The following MAP2K7 variants were observed in gnomAD, a reference collection of about 807,000 sequenced individuals.
The protein encoded by MAP2K7 is mitogen-activated protein kinase kinase 7, also known as dual specificity mitogen-activated protein kinase kinase 7.
A neutral mutation model predicts 47.7 loss-of-function variants in MAP2K7; 12 were observed. That is an observed-to-expected ratio of 0.25 (90% CI 0.16 to 0.41). MAP2K7 has a LOEUF of 0.41. Among genes scored for constraint, MAP2K7 ranks in the 10% least tolerant of loss-of-function variants. The pLI, the probability that MAP2K7 is intolerant of heterozygous loss-of-function variation, is 1.00. For missense variants in MAP2K7, 415 were observed against 600.3 expected (o/e 0.69, Z 3.23); for synonymous variants, 299 against 243.0 (o/e 1.23, Z -2.14).
At position 7,912,038 on chromosome 19, in the gene MAP2K7, C is replaced by A. The variant is rs576812742; in HGVS notation, c.1080-111C>A. On this transcript the variant is annotated intron_variant, in intron 9 of 10. Coordinates refer to ENST00000397979, the MANE Select transcript of MAP2K7 (RefSeq NM_145185.4). Reference sequence around the variant, plus strand: ...TGAGGACATCCACAGCTCCTTCCCCCACACACATCTTGGGGACCCCTGGCC... The same window carrying A: ...TGAGGACATCCACAGCTCCTTCCCCAACACACATCTTGGGGACCCCTGGCC... The A allele has an allele frequency of 9.5e-6, 9 of 945,750 alleles. No homozygotes were observed. The East Asian group carries it at 9.6e-5, about 10-fold the overall frequency. The allele number at this position is 945,750 out of a possible 1,614,324, so 58.6% of individuals were successfully genotyped here. A position where few individuals can be genotyped will look rare whatever the true frequency, so the allele number is the denominator to read the frequency against.
At chr19:7,910,211 G>T in intron 3 of MAP2K7, 49 bp from the exon 4 acceptor site, 1 of 1,604,958 alleles carries the variant, frequency 6.2e-7, no homozygotes, top group Non-Finnish European at 8.5e-7. Context: ...GGGGGCAGGG[G>T]GCGGTGGCAG....
intron 9 of MAP2K7, 124 bp downstream of exon 9, chr19:7,911,702 T>C (rs1364625320): frequency 3.7e-6 from 4 of 1,068,456 alleles, no homozygotes; most frequent in Non-Finnish European, 5.2e-6. Flanking sequence ...GTGGGCGGGC[T>C]CCTGGCTGGC....
rs1334612356 is a variant in MAP2K7 at position 7,913,281 on chromosome 19, G to A, written c.*850G>A. 1 of 152,648 alleles carries A rather than the reference G, an allele frequency of 6.6e-6. No individual in the cohort carries two copies. The highest frequency in any genetic ancestry group is 1.5e-5 in the Non-Finnish European group (1 of 68,216). 9.5% of individuals were successfully genotyped at this position (152,648 alleles called of 1,614,324 possible). A position where few individuals can be genotyped will look rare whatever the true frequency, so the allele number is the denominator to read the frequency against. On this transcript the variant is annotated 3_prime_UTR_variant, in exon 11 of 11. Coordinates refer to ENST00000397979, the MANE Select transcript of MAP2K7 (RefSeq NM_145185.4). ...GGGCTGCTGCTCTGGGGTCTCCGGG[G>A]GCCACAGCTTGGGGTGAGTTGAAGA...
chr19:7,910,439 C>T lies in MAP2K7; in HGVS notation c.448-14C>T. On this transcript the variant is annotated splice_polypyrimidine_tract_variant and intron_variant, in intron 4 of 10. Coordinates refer to ENST00000397979, the MANE Select transcript of MAP2K7 (RefSeq NM_145185.4). The stretch of plus-strand genomic sequence containing the variant: ...GGCCGGTGCTGAGGCTCCCTCCTGT[C>T]CCTGCCTGTGCAGCAAATGCGGCGC... 6.2e-7 allele frequency: 1 copy of T among 1,604,590 alleles called. No individual in the cohort carries two copies. Among genetic ancestry groups the T allele is most frequent in the Non-Finnish European group, 8.5e-7 (1 of 1,176,070 alleles).
chr19:7,912,130 T>C lies in MAP2K7; in HGVS notation c.1080-19T>C. On this transcript the variant is annotated intron_variant, in intron 9 of 10. Transcript: ENST00000397979. The stretch of plus-strand genomic sequence containing the variant: ...CTCCTCCCTCGTTCTCACATCTGTC[T>C]TCCCTTCTCTTGCTCTAGCCTTACT... The C allele has an allele frequency of 6.2e-7, 1 of 1,613,392 alleles. No homozygotes were observed.
intron 1 of MAP2K7, among the ~76,000 whole-genome samples, chr19:7,905,062 C>T (rs757640242): frequency 6.6e-6 from 1 of 151,758 alleles, no homozygotes; most frequent in South Asian, 2.1e-4. Flanking sequence ...TCTAGTCTCC[C>T]GGCTTTTTCC....
At position 7,909,778 on chromosome 19, in the gene MAP2K7, G is replaced by T; in HGVS notation, c.148G>T (p.Asp50Tyr). ...AGCCCTGCAGCTCCCGCTGGCCAAC[G>T]ATGGGGGCAGCCGCTCGCCATCCTC... ...RPTLQLPLANDGGSRSPSSES... is the reference protein window; with the variant it reads ...RPTLQLPLANYGGSRSPSSES... The change falls in exon 2 of 11, where the codon GAT becomes TAT. Residue 50 changes from aspartate to tyrosine, a missense_variant. Transcript: ENST00000397979. The T allele has an allele frequency of 6.5e-7, 1 of 1,541,708 alleles. No individual in the cohort carries two copies.
chr19:7,904,334 G>A, intron 1 of MAP2K7: 1 of 215,262 alleles, frequency 4.6e-6, no homozygotes, highest in Non-Finnish European at 9.5e-6. Flanking sequence ...CGCCCCCATC[G>A]CCGTGATCCT....
At position 7,912,137 on chromosome 19, in the gene MAP2K7, C is replaced by G; in HGVS notation, c.1080-12C>G. 6.2e-7 allele frequency: 1 copy of G among 1,613,730 alleles called. No homozygotes were observed. Among genetic ancestry groups the G allele is most frequent in the East Asian group, 2.2e-5 (1 of 44,870 alleles). The stretch of plus-strand genomic sequence containing the variant: ...CTCGTTCTCACATCTGTCTTCCCTT[C>G]TCTTGCTCTAGCCTTACTAAAGATC... On this transcript the variant is annotated splice_polypyrimidine_tract_variant and intron_variant, in intron 9 of 10. Transcript: ENST00000397979.
chr19:7,910,835 G>A (rs538578150), intron 6 of MAP2K7, 32 bp downstream of exon 6: 8 of 1,573,884 alleles, frequency 5.1e-6, no homozygotes, highest in African/African-American at 2.7e-5. Context: ...GCACTGGGCA[G>A]GATGACAGAG....
In MAP2K7 at chr19:7,912,947, G is replaced by C. The variant is rs1983016278; in HGVS notation, c.*516G>C. 1 of 165,454 alleles carries C rather than the reference G, an allele frequency of 6.0e-6. No individual in the cohort carries two copies. The highest frequency in any genetic ancestry group is 1.3e-5 in the Non-Finnish European group (1 of 75,386). 10.2% of individuals were successfully genotyped at this position (165,454 alleles called of 1,614,324 possible). A position where few individuals can be genotyped will look rare whatever the true frequency, so the allele number is the denominator to read the frequency against. ...CCAGCCACCTCCTGACGGGTCCCCTGGGTCTGCATAGGTCTCCCATGGCGC... is the reference window on the plus strand; with the variant it reads ...CCAGCCACCTCCTGACGGGTCCCCTCGGTCTGCATAGGTCTCCCATGGCGC... On this transcript the variant is annotated 3_prime_UTR_variant, in exon 11 of 11. Transcript: ENST00000397979.
chr19:7,904,126 GAGGCCCCGCCCCCACCACA>G lies in MAP2K7; in HGVS notation c.124+72_124+90del, dbSNP rs1339032375. 17 of 1,195,114 alleles carry G rather than the reference GAGGCCCCGCCCCCACCACA, an allele frequency of 1.4e-5. No individual in the cohort carries two copies. In the South Asian group the frequency reaches 2.2e-4, roughly 15 times the overall value. The allele number at this position is 1,195,114 out of a possible 1,614,324, so 74.0% of individuals were successfully genotyped here. On this transcript the variant is annotated intron_variant, in intron 1 of 10. Coordinates refer to ENST00000397979, the MANE Select transcript of MAP2K7 (RefSeq NM_145185.4). ...GGGCGGGGCGGGGCGCGCGCCGCGG[GAGGCCCCGCCCCCACCACA>G]AGGCCCCGCCCCCGCTTCCGGGGCG... is the stretch of plus-strand genomic sequence containing the variant.
rs1235234534 is a variant in MAP2K7 at position 7,913,743 on chromosome 19, A to C, written c.*1312A>C. 1.3e-5 allele frequency: 2 copies of C among 152,254 alleles called. No homozygotes were observed. Among genetic ancestry groups the C allele is most frequent in the Admixed American group, 6.5e-5 (1 of 15,280 alleles). 9.4% of individuals were successfully genotyped at this position (152,254 alleles called of 1,614,324 possible). On this transcript the variant is annotated 3_prime_UTR_variant, in exon 11 of 11. Transcript: ENST00000397979. ...GGTGTTGCATGCAAATCAAGTGGAC[A>C]AGAAAAAATAACAAAACAAAAAACA...
chr19:7,911,972 C>G (rs1042152100), intron 9 of MAP2K7, among the ~76,000 whole-genome samples, 177 bp from the exon 10 acceptor site: 3 of 152,290 alleles, frequency 2.0e-5, no homozygotes, highest in African/African-American at 7.2e-5. Context: ...GGCCAGGAGG[C>G]TCCGGGACTC....
chr19:7,913,849 G>A lies in MAP2K7; in HGVS notation c.*1418G>A, dbSNP rs1343930866. 6.6e-6 allele frequency: 1 copy of A among 152,396 alleles called. No individual in the cohort carries two copies. Among genetic ancestry groups the A allele is most frequent in the Non-Finnish European group, 1.5e-5 (1 of 68,028 alleles). The allele number at this position is 152,396 out of a possible 1,614,324, so 9.4% of individuals were successfully genotyped here. A position where few individuals can be genotyped will look rare whatever the true frequency, so the allele number is the denominator to read the frequency against. On this transcript the variant is annotated 3_prime_UTR_variant, in exon 11 of 11. Coordinates refer to ENST00000397979, the MANE Select transcript of MAP2K7 (RefSeq NM_145185.4). ...CGCAGAAGCCGGCTGGCCGTGGTGG[G>A]GGCAGCGTAGGCGTAGCATCCCTCT...
chr19:7,909,476 G>A (rs1982673414), intron 1 of MAP2K7, among the ~76,000 whole-genome samples: 1 of 152,204 alleles, frequency 6.6e-6, no homozygotes, highest in African/African-American at 2.4e-5. Context: ...TCCCCATCTC[G>A]TTTCTCCGTC....
At position 7,913,782 on chromosome 19, in the gene MAP2K7, A is replaced by G. The variant is rs535160901; in HGVS notation, c.*1351A>G. 4 of 152,398 alleles carry G rather than the reference A, an allele frequency of 2.6e-5. No individual in the cohort carries two copies. The highest frequency in any genetic ancestry group is 9.6e-5 in the African/African-American group (4 of 41,482). The allele number at this position is 152,398 out of a possible 1,614,324, so 9.4% of individuals were successfully genotyped here. A position where few individuals can be genotyped will look rare whatever the true frequency, so the allele number is the denominator to read the frequency against. ...AAACAAAAAACAAGAAAAAAAAAACACAAAACCCCGTAAAATCACAAAGAA... is the reference window on the plus strand; with the variant it reads ...AAACAAAAAACAAGAAAAAAAAAACGCAAAACCCCGTAAAATCACAAAGAA... On this transcript the variant is annotated 3_prime_UTR_variant, in exon 11 of 11. Coordinates refer to ENST00000397979, the MANE Select transcript of MAP2K7 (RefSeq NM_145185.4).
At chr19:7,907,691 G>C (rs75697153) in intron 1 of MAP2K7, among the ~76,000 whole-genome samples, 4,892 of 152,252 alleles carry the variant, frequency 0.032, 226 homozygotes, top group African/African-American at 0.099. Context: ...CCCAGGCTCC[G>C]GGGCCACCCT....
intron 9 of MAP2K7, 143 bp from the exon 10 acceptor site, chr19:7,912,006 G>A (rs1375071906): frequency 4.2e-5 from 30 of 721,060 alleles, no homozygotes; most frequent in Admixed American, 1.0e-4. Flanking sequence ...GCTGTCAGCC[G>A]GGGTCCTGAG....
Sources: allele counts gnomAD v4.1 joint callset (sites outside exome capture counted in the v4.1 genomes callset), GRCh38; gene constraint gnomAD v4.1.1; transcripts MANE v1.5; gene names NCBI Gene and HGNC (gene_info 2026-07-23, HGNC 2026-07-21).